Variants in MICU1 observed in about 807,000 individuals in gnomAD.
MICU1 encodes the protein calcium uptake protein 1, mitochondrial.
In MICU1, 45 loss-of-function variants were observed where a neutral mutation model predicts 56.8. The observed-to-expected ratio is 0.79, with a 90% CI of 0.62 to 1.02. The LOEUF (loss-of-function observed/expected upper bound fraction) is 1.02, where lower values mean the gene tolerates loss of function less well. Ranked by LOEUF, MICU1 falls within the 50% of genes least tolerant of loss-of-function variation. The pLI is 0.00. For synonymous variants in MICU1, 186 were observed against 195.1 expected (o/e 0.95, Z 0.39); for missense variants, 504 against 587.1 (o/e 0.86, Z 1.46).
intron 6 of MICU1, among the ~76,000 whole-genome samples, chr10:72,482,826 T>C (rs988512875): frequency 1.0e-5 from 1 of 98,724 alleles, no homozygotes; most frequent in African/African-American, 4.0e-5. Context: ...AAATGCACTA[T>C]ATATATATAC....
intron 4 of MICU1, among the ~76,000 whole-genome samples, chr10:72,543,070 TG>T (rs562779256): frequency 2.8e-3 from 424 of 151,928 alleles, no homozygotes; most frequent in Non-Finnish European, 4.3e-3. Flanking sequence ...AGGACGGGGG[TG>T]GGCCATGGGT....
At chr10:72,613,190 C>T (rs932280723) in intron 1 of MICU1, among the ~76,000 whole-genome samples, 1 of 151,746 alleles carries the variant, frequency 6.6e-6, no homozygotes, top group Non-Finnish European at 1.5e-5. Context: ...ATCTATATGG[C>T]TACTCATCAA....
intron 1 of MICU1, among the ~76,000 whole-genome samples, chr10:72,578,619 T>A (rs951859417): frequency 1.3e-5 from 2 of 151,908 alleles, no homozygotes; most frequent in African/African-American, 4.8e-5. Context: ...GTTGTTGTTG[T>A]TGTTTTGAGA....
chr10:72,577,916 C>T (rs892819047), intron 1 of MICU1, among the ~76,000 whole-genome samples: 1 of 152,042 alleles, frequency 6.6e-6, no homozygotes, highest in Non-Finnish European at 1.5e-5. Context: ...GTGAACATTG[C>T]TGAAATGACC....
At chr10:72,475,374 A>C (rs1866085297) in intron 7 of MICU1, 77 bp from the exon 8 acceptor site, 1 of 1,303,882 alleles carries the variant, frequency 7.7e-7, no homozygotes, top group African/African-American at 1.5e-5. Context: ...CAAGAATCAT[A>C]ACTATTGTTT....
chr10:72,518,060 T>C (rs1867705981), intron 5 of MICU1, among the ~76,000 whole-genome samples: 1 of 150,428 alleles, frequency 6.6e-6, no homozygotes, highest in Non-Finnish European at 1.5e-5. Flanking sequence ...TGAGATGGAG[T>C]GTTGCTCTGT....
chr10:72,465,883 G>A (rs769974075), intron 8 of MICU1, among the ~76,000 whole-genome samples: 10 of 152,032 alleles, frequency 6.6e-5, no homozygotes, highest in Admixed American at 2.6e-4. Context: ...CACACACTGT[G>A]TCTATAACTT....
chr10:72,548,925 A>C (rs1236363728), intron 4 of MICU1, among the ~76,000 whole-genome samples: 1 of 151,742 alleles, frequency 6.6e-6, no homozygotes, highest in African/African-American at 2.4e-5. Flanking sequence ...TCTAATGCCT[A>C]ACCTCAAGAG....
chr10:72,500,296 ATATATATTTTTTTTTTTTTTTT>A (rs1564904875), intron 6 of MICU1, among the ~76,000 whole-genome samples: 1 of 6,784 alleles, frequency 1.5e-4, no homozygotes, highest in African/African-American at 2.7e-4. Context: ...ATATATATAT[ATATATATTTTTTTTTTTTTTTT>A]TTTTTTTTTT....
chr10:72,527,349 A>G (rs1164104195), intron 5 of MICU1, among the ~76,000 whole-genome samples: 2 of 151,376 alleles, frequency 1.3e-5, no homozygotes, highest in African/African-American at 4.9e-5. Context: ...TCTTTTCTGT[A>G]CTTTTTCTTT....
chr10:72,374,119 T>C (rs1245937776), intron 11 of MICU1, among the ~76,000 whole-genome samples: 10 of 152,228 alleles, frequency 6.6e-5, no homozygotes. Flanking sequence ...ATTTATTTTA[T>C]TTATTTAATT....
At chr10:72,389,543 C>A (rs1862999743) in intron 10 of MICU1, among the ~76,000 whole-genome samples, 1 of 152,106 alleles carries the variant, frequency 6.6e-6, no homozygotes, top group Non-Finnish European at 1.5e-5. Flanking sequence ...AGAATCAAGG[C>A]CAACTATGCC....
chr10:72,489,366 T>C (rs994394647), intron 6 of MICU1, among the ~76,000 whole-genome samples: 1 of 151,856 alleles, frequency 6.6e-6, no homozygotes, highest in Admixed American at 6.6e-5. Context: ...TCTTAATCCA[T>C]TTAATCCTCA....
intron 1 of MICU1, among the ~76,000 whole-genome samples, chr10:72,585,360 T>C (rs914482549): frequency 6.6e-6 from 1 of 152,204 alleles, no homozygotes; most frequent in Non-Finnish European, 1.5e-5. Context: ...GTATACCTTG[T>C]AGCAACATCA....
intron 9 of MICU1, among the ~76,000 whole-genome samples, chr10:72,414,800 C>G (rs922340980): frequency 6.6e-6 from 1 of 152,096 alleles, no homozygotes; most frequent in Admixed American, 6.6e-5. Flanking sequence ...AGCGAGATAT[C>G]TAATGCTGAC....
intron 3 of MICU1, among the ~76,000 whole-genome samples, chr10:72,553,025 G>T (rs1038008820): frequency 6.6e-6 from 1 of 152,136 alleles, no homozygotes; most frequent in Non-Finnish European, 1.5e-5. Context: ...GACCACATAT[G>T]ACAGGAATTT....
At chr10:72,611,271 C>G (rs1454954296) in intron 1 of MICU1, among the ~76,000 whole-genome samples, 1 of 148,166 alleles carries the variant, frequency 6.7e-6, no homozygotes, top group African/African-American at 2.5e-5. Context: ...CCACTGCACT[C>G]CAGCCTGGGA....
At chr10:72,410,803 T>C (rs746378486) in intron 9 of MICU1, among the ~76,000 whole-genome samples, 93 of 152,286 alleles carry the variant, frequency 6.1e-4, no homozygotes, top group Non-Finnish European at 4.6e-4. Flanking sequence ...ATGCATACCA[T>C]AGTATGCTAT....
At chr10:72,478,799 G>A (rs1238562515) in intron 6 of MICU1, among the ~76,000 whole-genome samples, 2 of 152,090 alleles carry the variant, frequency 1.3e-5, no homozygotes, top group South Asian at 4.1e-4. Context: ...CTTCCAATAG[G>A]TTTGCTTTCC....
Sources: allele counts gnomAD v4.1 joint callset (sites outside exome capture counted in the v4.1 genomes callset), GRCh38; gene constraint gnomAD v4.1.1; transcripts MANE v1.5; gene names NCBI Gene and HGNC (gene_info 2026-07-23, HGNC 2026-07-21).